ARHGAP10: variants seen among roughly 807,000 people sequenced by gnomAD.
ARHGAP10 encodes Rho GTPase activating protein 10.
ARHGAP10 carries 87 observed loss-of-function variants against 108.6 expected under a neutral mutation model. The ratio of observed to expected loss-of-function variants is 0.80; its 90% CI spans 0.67 to 0.96. The LOEUF is 0.96. Among genes scored for constraint, ARHGAP10 ranks in the 40% least tolerant of loss-of-function variants. The probability of loss-of-function intolerance (pLI) is 0.00; values close to 1 mark genes in which losing one functional copy is unlikely to be tolerated. For missense variants in ARHGAP10, 939 were observed against 954.5 expected, an observed-to-expected ratio of 0.98 and a Z score of 0.21; for synonymous variants, 347 against 341.1, an observed-to-expected ratio of 1.02 and a Z score of -0.19.
chr4:147,889,229 C>T (rs1735692271), intron 10 of ARHGAP10, among the ~76,000 whole-genome samples: 1 of 152,162 alleles, frequency 6.6e-6, no homozygotes, highest in South Asian at 2.1e-4. Flanking sequence ...GAAAAATAAA[C>T]CTAACTTGTT....
chr4:147,908,635 G>C (rs933719055), intron 11 of ARHGAP10, among the ~76,000 whole-genome samples: 7 of 152,178 alleles, frequency 4.6e-5, no homozygotes, highest in African/African-American at 1.7e-4. Flanking sequence ...AATTATCACC[G>C]TGCTATTTCT....
At chr4:147,982,409 G>T (rs1578757048) in intron 18 of ARHGAP10, among the ~76,000 whole-genome samples, 4 of 133,264 alleles carry the variant, frequency 3.0e-5, no homozygotes, top group Admixed American at 8.1e-5. Flanking sequence ...TCACTCTGTT[G>T]CCCAGGCTGG....
chr4:147,930,187 G>A (rs946936607), intron 13 of ARHGAP10, among the ~76,000 whole-genome samples: 1 of 152,146 alleles, frequency 6.6e-6, no homozygotes, highest in African/African-American at 2.4e-5. Context: ...TGGAATTTGA[G>A]AATGTATTTC....
intron 14 of ARHGAP10, among the ~76,000 whole-genome samples, chr4:147,944,111 A>T (rs114084380): frequency 1.6e-4 from 24 of 152,374 alleles, no homozygotes; most frequent in African/African-American, 4.3e-4. Flanking sequence ...TTAAAACGAG[A>T]TTTAAATAAT....
At position 147,762,157 on chromosome 4, in the gene ARHGAP10, G is replaced by A. The variant is rs549642905; in HGVS notation, c.154+29702G>A. Among the ~76,000 whole-genome samples, 20 of 152,174 alleles carry A rather than the reference G, an allele frequency of 1.3e-4. No individual in the cohort carries two copies. In the South Asian group the frequency reaches 1.7e-3, roughly 13 times the overall value. ...CGAGTAGCTGGGACCATAGGCATGC[G>A]CCACCATGCCCAGCTAACTTTTGTA... On this transcript the variant is annotated intron_variant, in intron 1 of 22. Transcript: ENST00000336498.
At chr4:147,983,276 C>A (rs1261540078) in intron 18 of ARHGAP10, among the ~76,000 whole-genome samples, 1 of 151,336 alleles carries the variant, frequency 6.6e-6, no homozygotes, top group African/African-American at 2.4e-5. Flanking sequence ...ACCTCCACCT[C>A]CCGGGTTCAC....
chr4:147,778,467 A>C (rs1730397133), intron 1 of ARHGAP10, among the ~76,000 whole-genome samples: 2 of 152,184 alleles, frequency 1.3e-5, no homozygotes, highest in African/African-American at 4.8e-5. Flanking sequence ...AGAGCATTAA[A>C]TGGTGGGCAA....
At chr4:147,844,760 G>A (rs1733567688) in intron 3 of ARHGAP10, among the ~76,000 whole-genome samples, 1 of 152,020 alleles carries the variant, frequency 6.6e-6, no homozygotes, top group Non-Finnish European at 1.5e-5. Context: ...TCTGTTGTTG[G>A]TTGCCTTCAT....
chr4:147,830,512 CTT>C (rs56946602), intron 3 of ARHGAP10, among the ~76,000 whole-genome samples: 6 of 102,240 alleles, frequency 5.9e-5, no homozygotes, highest in East Asian at 2.8e-4. Context: ...ACCACAATTC[CTT>C]TTTTTTTTTT....
chr4:147,871,725 T>C (rs1251346239), intron 7 of ARHGAP10, among the ~76,000 whole-genome samples: 1 of 152,258 alleles, frequency 6.6e-6, no homozygotes, highest in Non-Finnish European at 1.5e-5. Flanking sequence ...TTGGAACTTA[T>C]AATTGGAAAT....
chr4:148,063,295 T>C lies in ARHGAP10; in HGVS notation c.2175T>C (p.Pro725=), dbSNP rs1464839877. ...CTGCTACTGTAGCGGACAAGCCACC[T>C]GAAAGGTACGTGGTTTGGAGTGGAA... ...SPPATVADKP[P]ESIRSRKARA... Residue 725 remains proline, a synonymous_variant, in exon 21 of 23, where the codon CCT becomes CCC. Coordinates refer to ENST00000336498, the MANE Select transcript of ARHGAP10 (RefSeq NM_024605.4). 6.2e-7 allele frequency: 1 copy of C among 1,614,134 alleles called. No individual in the cohort carries two copies. Among genetic ancestry groups the C allele is most frequent in the Admixed American group, 1.7e-5 (1 of 60,014 alleles).
intron 13 of ARHGAP10, among the ~76,000 whole-genome samples, chr4:147,933,474 T>C (rs2126952239): frequency 6.6e-6 from 1 of 150,542 alleles, no homozygotes; most frequent in East Asian, 1.9e-4. Context: ...TCTGGCTTTG[T>C]GCCTGTTCTT....
At chr4:147,924,810 G>A (rs1737396328) in intron 13 of ARHGAP10, among the ~76,000 whole-genome samples, 2 of 152,160 alleles carry the variant, frequency 1.3e-5, no homozygotes, top group Admixed American at 1.3e-4. Context: ...CCTTCATGGG[G>A]TTGTTGTGAG....
At chr4:147,737,868 G>A (rs1728483001) in intron 1 of ARHGAP10, among the ~76,000 whole-genome samples, 1 of 152,162 alleles carries the variant, frequency 6.6e-6, no homozygotes, top group Non-Finnish European at 1.5e-5. Flanking sequence ...TTCCCACCAG[G>A]CCACCAGCTG....
At chr4:147,852,721 TTTTTTTTTTA>T (rs1262078834) in intron 4 of ARHGAP10, among the ~76,000 whole-genome samples, 17 of 36,608 alleles carry the variant, frequency 4.6e-4, no homozygotes, top group African/African-American at 7.2e-4. Context: ...TTTTTTTTTT[TTTTTTTTTTA>T]AAATGGAGCG....
At chr4:147,959,896 G>A (rs2126989726) in intron 16 of ARHGAP10, among the ~76,000 whole-genome samples, 1 of 152,230 alleles carries the variant, frequency 6.6e-6, no homozygotes, top group African/African-American at 2.4e-5. Flanking sequence ...GGTTTTCACT[G>A]GAAAAAGATG....
intron 13 of ARHGAP10, among the ~76,000 whole-genome samples, chr4:147,920,109 A>G (rs1446119102): frequency 6.8e-6 from 1 of 147,038 alleles, no homozygotes. Context: ...TTTTCTCTGA[A>G]CGTCTTTTAA....
intron 18 of ARHGAP10, among the ~76,000 whole-genome samples, chr4:148,010,461 C>G (rs1741127318): frequency 6.6e-6 from 1 of 151,974 alleles, no homozygotes; most frequent in African/African-American, 2.4e-5. Flanking sequence ...TCTTTCATAC[C>G]CTTTTTTTGG....
At chr4:148,003,932 G>T in intron 18 of ARHGAP10, among the ~76,000 whole-genome samples, 1 of 152,210 alleles carries the variant, frequency 6.6e-6, no homozygotes, top group African/African-American at 2.4e-5. Flanking sequence ...CCTATGTGAA[G>T]AAAGCTGCAA....
Sources: gnomAD v4.1 joint callset for allele counts (sites outside exome capture counted in the v4.1 genomes callset) on GRCh38, gnomAD v4.1.1 for gene constraint, MANE v1.5 for transcripts, NCBI Gene and HGNC (gene_info 2026-07-23, HGNC 2026-07-21) for gene names.